Variants in LRRTM3 observed in about 807,000 individuals in gnomAD.
LRRTM3 encodes leucine rich repeat transmembrane neuronal 3.
A neutral mutation model predicts 44.7 loss-of-function variants in LRRTM3; 24 were observed. That is an observed-to-expected ratio of 0.54 (90% CI 0.39 to 0.76). The LOEUF is 0.76. Ranked by LOEUF, LRRTM3 falls within the 30% of genes least tolerant of loss-of-function variation. LRRTM3 has a pLI of 0.00. For missense variants in LRRTM3, 587 were observed against 702.2 expected (o/e 0.84, Z 1.85); for synonymous variants, 277 against 278.7 (o/e 0.99, Z 0.06).
At chr10:67,074,126 G>A (rs976544332) in intron 2 of LRRTM3, among the ~76,000 whole-genome samples, 6 of 133,312 alleles carry the variant, frequency 4.5e-5, no homozygotes, top group East Asian at 2.4e-4. Flanking sequence ...ACCTCCTCCC[G>A]AGTTGAAGAG....
intron 2 of LRRTM3, among the ~76,000 whole-genome samples, chr10:67,046,630 A>G (rs1854762820): frequency 6.6e-6 from 1 of 152,196 alleles, no homozygotes; most frequent in Non-Finnish European, 1.5e-5. Context: ...CAGGAAAAAA[A>G]AATGTAATTT....
chr10:66,950,017 C>G (rs1290688413), intron 2 of LRRTM3, among the ~76,000 whole-genome samples: 1 of 152,178 alleles, frequency 6.6e-6, no homozygotes, highest in Non-Finnish European at 1.5e-5. Context: ...CCTAGTCTTT[C>G]TGTTTCTCTA....
chr10:67,075,175 C>CACACACAT (rs1313139874), intron 2 of LRRTM3, among the ~76,000 whole-genome samples: 2 of 151,864 alleles, frequency 1.3e-5, no homozygotes, highest in African/African-American at 4.8e-5. Context: ...TTTCTGCACA[C>CACACACAT]ACACACACAC....
In LRRTM3 at chr10:66,991,898, G is replaced by T. The variant is rs149917021; in HGVS notation, c.1536+63446G>T. Among the ~76,000 whole-genome samples, 476 of 152,158 alleles carry T rather than the reference G, an allele frequency of 3.1e-3. 2 individuals are homozygous for T. The highest frequency in any genetic ancestry group is 5.5e-3 in the Non-Finnish European group (374 of 67,996). ...ACCAAAGAAATCTCATTCTAGAAAAGAAGGCCATCTATTCACCACTCCTGT... is the reference window on the plus strand; with the variant it reads ...ACCAAAGAAATCTCATTCTAGAAAATAAGGCCATCTATTCACCACTCCTGT... On this transcript the variant is annotated intron_variant, in intron 2 of 2. Coordinates refer to ENST00000361320, the MANE Select transcript of LRRTM3 (RefSeq NM_178011.5).
intron 2 of LRRTM3, among the ~76,000 whole-genome samples, chr10:66,944,020 A>T (rs989115449): frequency 3.3e-5 from 5 of 152,136 alleles, no homozygotes; most frequent in African/African-American, 1.2e-4. Flanking sequence ...CTAAAAGTTG[A>T]GGTGACTGTG....
chr10:67,071,329 G>T (rs1465667472), intron 2 of LRRTM3, among the ~76,000 whole-genome samples: 3 of 78,214 alleles, frequency 3.8e-5, no homozygotes, highest in African/African-American at 2.7e-4. Flanking sequence ...TTGTATTTTG[G>T]GTTTTTTTTT....
chr10:67,039,878 C>T (rs1854288595), intron 2 of LRRTM3, among the ~76,000 whole-genome samples: 1 of 152,066 alleles, frequency 6.6e-6, no homozygotes, highest in South Asian at 2.1e-4. Flanking sequence ...ATCTGAATAC[C>T]TATGACCTCA....
chr10:66,965,799 A>G (rs1328152179), intron 2 of LRRTM3, among the ~76,000 whole-genome samples: 2 of 152,162 alleles, frequency 1.3e-5, no homozygotes, highest in African/African-American at 4.8e-5. Flanking sequence ...AGGGTAGAAC[A>G]GTACTTTCAG....
Position 66,927,642 on chromosome 10 carries a change from T to A in LRRTM3, c.726T>A (p.Ser242Arg). ...QNLYLQWNKI[S>R]VIGQTMSWTW... Reference sequence around the variant, plus strand: ...TTTACTTGCAGTGGAATAAAATCAGTGTCATAGGACAGACCATGTCCTGGA... The same window carrying A: ...TTTACTTGCAGTGGAATAAAATCAGAGTCATAGGACAGACCATGTCCTGGA... The change falls in exon 2 of 3, where the codon AGT (serine) becomes AGA (arginine). Residue 242 changes from serine to arginine, a missense_variant. Physicochemically the swap from Ser to Arg is moderately radical, Grantham distance 110 (BLOSUM62 -1). Transcript: ENST00000361320. This position sits in a 1 kb window ranked among gnomAD's most constrained non-coding sequence, Gnocchi z 4.7. 6.2e-7 allele frequency: 1 copy of A among 1,614,156 alleles called. No individual in the cohort carries two copies. Among genetic ancestry groups the A allele is most frequent in the Non-Finnish European group, 8.5e-7 (1 of 1,180,024 alleles).
At chr10:66,972,397 C>G (rs546012157) in intron 2 of LRRTM3, among the ~76,000 whole-genome samples, 1 of 152,130 alleles carries the variant, frequency 6.6e-6, no homozygotes, top group African/African-American at 2.4e-5. Flanking sequence ...CTCAAGCAGT[C>G]CTCCTGCCTC....
rs1454666894 is a variant in LRRTM3 at position 66,966,501 on chromosome 10, T to A, written c.1536+38049T>A. On this transcript the variant is annotated intron_variant, in intron 2 of 2. Transcript: ENST00000361320. ...ATGTAATATATTTTTTTTTTCAGGA[T>A]ATACCTTTCAGATTATTCAAAGAAA... 4.1e-3 allele frequency among the ~76,000 whole-genome samples: 630 copies of A among 151,972 alleles called. 35 individuals carry two copies. The East Asian group carries it at 0.1, about 25-fold the overall frequency.
chr10:67,033,265 G>A, intron 2 of LRRTM3, among the ~76,000 whole-genome samples: 1 of 152,120 alleles, frequency 6.6e-6, no homozygotes, highest in East Asian at 1.9e-4. Flanking sequence ...TTATGTGAGG[G>A]TGCTTTCCAG....
chr10:66,977,785 G>T (rs781553721), intron 2 of LRRTM3, among the ~76,000 whole-genome samples: 38 of 152,260 alleles, frequency 2.5e-4, no homozygotes, highest in African/African-American at 4.1e-4. Context: ...GATAGTTTTT[G>T]TCCATAATTC....
At chr10:67,032,765 G>T (rs547392278) in intron 2 of LRRTM3, among the ~76,000 whole-genome samples, 1 of 151,874 alleles carries the variant, frequency 6.6e-6, no homozygotes, top group East Asian at 1.9e-4. Flanking sequence ...GTCAACAAAA[G>T]CAATTTTCCT....
At chr10:67,036,643 GC>G (rs1361022576) in intron 2 of LRRTM3, among the ~76,000 whole-genome samples, 1 of 152,154 alleles carries the variant, frequency 6.6e-6, no homozygotes, top group Non-Finnish European at 1.5e-5. Context: ...AGTACTGGGA[GC>G]CACTGCACCT....
intron 2 of LRRTM3, among the ~76,000 whole-genome samples, chr10:67,065,575 T>C (rs1308847943): frequency 1.3e-5 from 2 of 152,096 alleles, no homozygotes; most frequent in Admixed American, 1.3e-4. Flanking sequence ...CAGTTAGAAA[T>C]GGCAATATGA....
intron 2 of LRRTM3, among the ~76,000 whole-genome samples, chr10:67,016,856 C>A (rs1852690896): frequency 6.6e-6 from 1 of 152,078 alleles, no homozygotes; most frequent in African/African-American, 2.4e-5. Flanking sequence ...AAGAAAAACA[C>A]CTCTATAACA....
At chr10:66,932,496 A>G (rs1400561642) in intron 2 of LRRTM3, among the ~76,000 whole-genome samples, 3 of 152,178 alleles carry the variant, frequency 2.0e-5, no homozygotes, top group Non-Finnish European at 4.4e-5. Context: ...GATTCTCATT[A>G]GAATCCAGAT....
At chr10:66,936,261 A>G (rs1301773092) in intron 2 of LRRTM3, among the ~76,000 whole-genome samples, 2 of 152,180 alleles carry the variant, frequency 1.3e-5, no homozygotes, top group African/African-American at 4.8e-5. Flanking sequence ...AGACGAAAAG[A>G]GAAAGTCAAA....
Sources: allele counts gnomAD v4.1 joint callset (sites outside exome capture counted in the v4.1 genomes callset), GRCh38; gene constraint gnomAD v4.1.1; non-coding constraint Gnocchi (gnomAD v3.1); transcripts MANE v1.5; gene names NCBI Gene and HGNC (gene_info 2026-07-23, HGNC 2026-07-21).